Variants in RBFOX2 observed in about 807,000 individuals in gnomAD.
The protein encoded by RBFOX2 is RNA binding protein fox-1 homolog 2.
Under a neutral mutation model 49.1 loss-of-function variants are expected in RBFOX2, and 10 were observed. The observed-to-expected ratio is 0.20, with a 90% CI of 0.13 to 0.35. RBFOX2 has a LOEUF of 0.35. Ranked by LOEUF, RBFOX2 falls within the 10% of genes least tolerant of loss-of-function variation. RBFOX2 has a pLI of 1.00. For missense variants in RBFOX2, 323 were observed against 486.9 expected (o/e 0.66, Z 3.17); for synonymous variants, 183 against 187.4 (o/e 0.98, Z 0.19).
In RBFOX2 at chr22:35,890,674, T is replaced by C. The variant is rs114444035; in HGVS notation, c.-34+48173A>G. Among the ~76,000 whole-genome samples the C allele has an allele frequency of 4.0e-3, 616 of 152,250 alleles. 8 individuals carry two copies. The highest frequency in any genetic ancestry group is 0.014 in the African/African-American group (580 of 41,524). Reference sequence around the variant, plus strand: ...ACAGTTCAAATTCTAACTCTGACAATTGCAAACTGTGTGACTTTGCAAGTT... The same window carrying C: ...ACAGTTCAAATTCTAACTCTGACAACTGCAAACTGTGTGACTTTGCAAGTT... On this transcript the variant is annotated intron_variant, in intron 1 of 13. Coordinates refer to the RBFOX2 transcript ENST00000359369.
At chr22:35,928,909 C>T (rs1337700061) in intron 1 of RBFOX2, among the ~76,000 whole-genome samples, 1 of 151,984 alleles carries the variant, frequency 6.6e-6, no homozygotes, top group Non-Finnish European at 1.5e-5. Flanking sequence ...CTCATTATAA[C>T]AAAAAGTTAG....
chr22:35,872,733 A>G (rs2044520060), intron 1 of RBFOX2, among the ~76,000 whole-genome samples: 1 of 152,058 alleles, frequency 6.6e-6, no homozygotes, highest in African/African-American at 2.4e-5. Flanking sequence ...AGCTGCTTGT[A>G]TCTTCTTCAG....
chr22:35,819,446 A>T (rs561141961), intron 1 of RBFOX2, among the ~76,000 whole-genome samples: 65 of 152,326 alleles, frequency 4.3e-4, no homozygotes, highest in African/African-American at 1.4e-3. Flanking sequence ...ATTTTAACTT[A>T]ACCTCAACCT....
At chr22:36,012,256 T>C (rs1401174740) in intron 1 of RBFOX2, among the ~76,000 whole-genome samples, 2 of 152,140 alleles carry the variant, frequency 1.3e-5, no homozygotes, top group African/African-American at 4.8e-5. Context: ...CTTTCAGTCT[T>C]AAGGGCCATG....
rs1938090424 is a variant in RBFOX2, at chr22:35,759,754, T to G, written c.887+134A>C. Reference sequence around the variant, plus strand: ...TTTTGTTTTTTGTCATCTAATCTGTTAATTTGCAAATATTCACTGAATGCC... The same window carrying G: ...TTTTGTTTTTTGTCATCTAATCTGTGAATTTGCAAATATTCACTGAATGCC... On this transcript the variant is annotated intron_variant, in intron 9 of 11. Transcript: ENST00000405409. The surrounding 1 kb of genome is among the most constrained non-coding windows in gnomAD (Gnocchi z 4.6). The G allele has an allele frequency of 2.5e-5, 30 of 1,205,688 alleles. No individual in the cohort carries two copies. The highest frequency in any genetic ancestry group is 3.3e-5 in the Non-Finnish European group (28 of 858,854). The allele number at this position is 1,205,688 out of a possible 1,614,324, so 74.7% of individuals were successfully genotyped here.
At chr22:35,883,299 C>T (rs1216027134) in intron 1 of RBFOX2, among the ~76,000 whole-genome samples, 1 of 152,184 alleles carries the variant, frequency 6.6e-6, no homozygotes, top group Non-Finnish European at 1.5e-5. Flanking sequence ...CATATCTCAC[C>T]ACAATAGACA....
chr22:35,969,269 TA>T (rs946169927), intron 1 of RBFOX2, among the ~76,000 whole-genome samples: 61 of 148,124 alleles, frequency 4.1e-4, no homozygotes, highest in African/African-American at 1.2e-3. Flanking sequence ...TTCCATTAAT[TA>T]AAAAAAAAAG....
chr22:35,880,760 T>G (rs1348788764), intron 1 of RBFOX2, among the ~76,000 whole-genome samples: 1 of 151,358 alleles, frequency 6.6e-6, no homozygotes, highest in Non-Finnish European at 1.5e-5. Context: ...TCTTTATTTT[T>G]CCTACATCTT....
chr22:35,896,756 A>G (rs1025859857), intron 1 of RBFOX2, among the ~76,000 whole-genome samples: 8 of 152,290 alleles, frequency 5.3e-5, no homozygotes, highest in Middle Eastern at 6.8e-3. Context: ...CCTCACCCAA[A>G]CCTTTTCTTT....
At chr22:35,770,188 T>C (rs1394290750) in intron 4 of RBFOX2, among the ~76,000 whole-genome samples, 1 of 152,172 alleles carries the variant, frequency 6.6e-6, no homozygotes, top group African/African-American at 2.4e-5. Context: ...AGTTCTCTAA[T>C]CCTAGTGAGT....
chr22:35,871,485 G>A (rs190704893), intron 1 of RBFOX2, among the ~76,000 whole-genome samples: 1 of 152,330 alleles, frequency 6.6e-6, no homozygotes, highest in Non-Finnish European at 1.5e-5. Context: ...GCTGTTCAAG[G>A]TAGAAACTGG....
intron 1 of RBFOX2, among the ~76,000 whole-genome samples, chr22:35,974,351 T>C (rs1233805180): frequency 1.3e-5 from 2 of 152,172 alleles, no homozygotes; most frequent in Non-Finnish European, 2.9e-5. Context: ...CTACATTCGT[T>C]CTCGTCTATT....
At chr22:35,753,346 T>C (rs181596288) in intron 9 of RBFOX2, among the ~76,000 whole-genome samples, 44 of 152,326 alleles carry the variant, frequency 2.9e-4, no homozygotes, top group Admixed American at 8.5e-4. Context: ...ACATGTGGAA[T>C]ACAGAACACA....
rs550863076 is a variant in RBFOX2, at chr22:35,808,455, C to T, written c.252+1325G>A. Among the ~76,000 whole-genome samples, 3 of 152,170 alleles carry T rather than the reference C, an allele frequency of 2.0e-5. No individual in the cohort carries two copies. In the East Asian group the frequency reaches 5.8e-4, roughly 29 times the overall value. Reference sequence around the variant, plus strand: ...CAAGTGGCTTAAAGGCTGAGTAAAGCTCTCCTTTTCATAACCAGATATAGG... The same window carrying T: ...CAAGTGGCTTAAAGGCTGAGTAAAGTTCTCCTTTTCATAACCAGATATAGG... On this transcript the variant is annotated intron_variant, in intron 2 of 11. Transcript: ENST00000405409.
chr22:35,946,808 A>T (rs2054323330), intron 1 of RBFOX2, among the ~76,000 whole-genome samples: 1 of 152,148 alleles, frequency 6.6e-6, no homozygotes, highest in African/African-American at 2.4e-5. Context: ...GACCAAAGAA[A>T]CTCTGCCTTT....
upstream of RBFOX2, chr22:35,840,627 T>TGC (rs1261307270): frequency 1.0e-4 from 112 of 1,076,976 alleles, 1 homozygote; most frequent in South Asian, 3.3e-3. Flanking sequence ...TGTGTGCGTG[T>TGC]GTGCGTGTGT....
chr22:35,803,446 C>T (rs1220715119), intron 2 of RBFOX2, among the ~76,000 whole-genome samples: 1 of 152,066 alleles, frequency 6.6e-6, no homozygotes, highest in Non-Finnish European at 1.5e-5. Context: ...GCAGCTGAGG[C>T]GAGAGAACTC....
intron 1 of RBFOX2, among the ~76,000 whole-genome samples, chr22:35,832,294 A>T (rs1423967053): frequency 6.6e-6 from 1 of 151,872 alleles, no homozygotes; most frequent in East Asian, 1.9e-4. Context: ...AATCACTTGA[A>T]CCCAGGAGGC....
At chr22:35,899,284 T>C (rs531011866) in intron 1 of RBFOX2, among the ~76,000 whole-genome samples, 1 of 151,948 alleles carries the variant, frequency 6.6e-6, no homozygotes, top group South Asian at 2.1e-4. Flanking sequence ...AGTTTAAATA[T>C]GTCACAAAAA....
Sources: gnomAD v4.1 joint callset for allele counts (sites outside exome capture counted in the v4.1 genomes callset) on GRCh38, gnomAD v4.1.1 for gene constraint, Gnocchi (gnomAD v3.1) non-coding constraint, MANE v1.5 for transcripts, NCBI Gene and HGNC (gene_info 2026-07-23, HGNC 2026-07-21) for gene names.